The following RSU1 variants were observed in gnomAD, a reference collection of about 807,000 sequenced individuals.
RSU1 encodes the protein rsu-1.
In RSU1, 26 loss-of-function variants were observed where a neutral mutation model predicts 31.1. The ratio of observed to expected loss-of-function variants is 0.84; its 90% confidence interval spans 0.61 to 1.16. RSU1 has a LOEUF of 1.16. Ranked by LOEUF, RSU1 falls within the 50% of genes most tolerant of loss-of-function variation. RSU1 has a pLI of 0.00. For missense variants in RSU1, 320 were observed against 339.1 expected (o/e 0.94, Z 0.44); for synonymous variants, 164 against 136.3 (o/e 1.20, Z -1.41).
intron 4 of RSU1, among the ~76,000 whole-genome samples, chr10:16,757,929 G>T (rs1241158102): frequency 6.6e-6 from 1 of 152,196 alleles, no homozygotes; most frequent in African/African-American, 2.4e-5. Context: ...GAAATCCACG[G>T]TTAGACAGGC....
rs187930304 is a variant in RSU1, at chr10:16,757,105, G to A, written c.282-2116C>T. 2.4e-3 allele frequency among the ~76,000 whole-genome samples: 364 copies of A among 150,592 alleles called. 1 individual carries two copies. The highest frequency in any genetic ancestry group is 7.9e-3 in the African/African-American group (324 of 40,938). On this transcript the variant is annotated intron_variant, in intron 4 of 8. Coordinates refer to ENST00000345264, the MANE Select transcript of RSU1 (RefSeq NM_012425.4). Reference sequence around the variant, plus strand: ...CTGTGGGTGTGGTGCGTGTGGGTATGTGTGGGTGTGCGTGTGTGTGTGTGG... The same window carrying A: ...CTGTGGGTGTGGTGCGTGTGGGTATATGTGGGTGTGCGTGTGTGTGTGTGG...
intron 8 of RSU1, among the ~76,000 whole-genome samples, chr10:16,600,485 G>C (rs1344997885): frequency 6.6e-6 from 1 of 151,140 alleles, no homozygotes; most frequent in African/African-American, 2.4e-5. Context: ...ACTGTACTCA[G>C]AATAAATTTT....
intron 2 of RSU1, among the ~76,000 whole-genome samples, chr10:16,810,782 G>A (rs7076955): frequency 0.21 from 32,286 of 152,144 alleles, 4,080 homozygotes; most frequent in African/African-American, 0.36. Flanking sequence ...AACCACCCGG[G>A]AGGCTGGGGC....
At chr10:16,603,861 C>T (rs757348290) in intron 8 of RSU1, among the ~76,000 whole-genome samples, 39 of 152,264 alleles carry the variant, frequency 2.6e-4, no homozygotes, top group South Asian at 6.2e-4. Flanking sequence ...ATACACAAAC[C>T]TATTCATAAA....
chr10:16,597,543 G>A (rs1324458091), intron 8 of RSU1, among the ~76,000 whole-genome samples: 1 of 152,316 alleles, frequency 6.6e-6, no homozygotes, highest in Middle Eastern at 3.4e-3. Flanking sequence ...GTAAGCTAGA[G>A]ATGTCGTTTG....
chr10:16,735,537 T>C (rs1268600207), intron 7 of RSU1, among the ~76,000 whole-genome samples: 1 of 152,230 alleles, frequency 6.6e-6, no homozygotes, highest in Admixed American at 6.5e-5. Context: ...TATTGGGCAA[T>C]GTATTAGTCC....
At position 16,746,304 on chromosome 10, in the gene RSU1, C is replaced by T. The variant is rs79047011; in HGVS notation, c.598+6235G>A. On this transcript the variant is annotated intron_variant, in intron 7 of 8. Coordinates refer to ENST00000345264, the MANE Select transcript of RSU1 (RefSeq NM_012425.4). ...AGGTGTATGCAGCGTTGCAGACATA[C>T]GTCCCATAGGCTGCTGGGATTGGTG... 9.0e-3 allele frequency among the ~76,000 whole-genome samples: 1,377 copies of T among 152,254 alleles called. 17 individuals carry two copies. The highest frequency in any genetic ancestry group is 0.031 in the African/African-American group (1,305 of 41,542).
chr10:16,679,495 G>A (rs1416711961), intron 8 of RSU1, among the ~76,000 whole-genome samples: 3 of 152,116 alleles, frequency 2.0e-5, no homozygotes, highest in Non-Finnish European at 4.4e-5. Context: ...GATAAAAGGA[G>A]CTTAGAGTTG....
At chr10:16,728,534 C>T (rs1441996280) in intron 7 of RSU1, among the ~76,000 whole-genome samples, 1 of 152,146 alleles carries the variant, frequency 6.6e-6, no homozygotes, top group Non-Finnish European at 1.5e-5. Context: ...ACAAACGCAA[C>T]GGAACTATGA....
At chr10:16,619,939 C>A (rs1461083188) in intron 8 of RSU1, among the ~76,000 whole-genome samples, 5 of 151,988 alleles carry the variant, frequency 3.3e-5, no homozygotes, top group African/African-American at 1.2e-4. Flanking sequence ...AAAAACAAAC[C>A]AGTAACAATC....
rs76027658 is a variant in RSU1 at position 16,726,154 on chromosome 10, T to C, written c.598+26385A>G. Among the ~76,000 whole-genome samples, 1,419 of 152,206 alleles carry C rather than the reference T, an allele frequency of 9.3e-3. 35 individuals carry two copies. The East Asian group carries it at 0.1, about 11-fold the overall frequency. On this transcript the variant is annotated intron_variant, in intron 7 of 8. Coordinates refer to ENST00000345264, the MANE Select transcript of RSU1 (RefSeq NM_012425.4). The stretch of plus-strand genomic sequence containing the variant: ...TAGTAAAAGTTCAGAAATTACTTCA[T>C]CTGATTTTCCTTTCTTAGATTCAAA...
At chr10:16,614,120 G>T (rs1833937340) in intron 8 of RSU1, among the ~76,000 whole-genome samples, 1 of 152,102 alleles carries the variant, frequency 6.6e-6, no homozygotes, top group African/African-American at 2.4e-5. Flanking sequence ...GTACAAAGTA[G>T]GTAAGCAAAG....
At chr10:16,600,162 G>A (rs1833693693) in intron 8 of RSU1, among the ~76,000 whole-genome samples, 1 of 152,154 alleles carries the variant, frequency 6.6e-6, no homozygotes, top group South Asian at 2.1e-4. Flanking sequence ...AAGATGAGAT[G>A]CCTGCGACGC....
intron 2 of RSU1, among the ~76,000 whole-genome samples, chr10:16,791,486 G>A (rs761740729): frequency 3.3e-5 from 5 of 151,846 alleles, no homozygotes; most frequent in East Asian, 1.9e-4. Context: ...AAAATTAGTC[G>A]GGCATGGTGG....
intron 8 of RSU1, among the ~76,000 whole-genome samples, chr10:16,600,569 G>A (rs961589972): frequency 3.8e-5 from 5 of 132,632 alleles, no homozygotes; most frequent in Admixed American, 7.2e-5. Context: ...TTTTTTTTTA[G>A]GGGGGGGTGG....
chr10:16,680,388 TA>T (rs1186128529), intron 8 of RSU1, among the ~76,000 whole-genome samples: 1 of 151,708 alleles, frequency 6.6e-6, no homozygotes, highest in East Asian at 1.9e-4. Context: ...AGAAGAAAAA[TA>T]AAAAACAAGG....
chr10:16,654,680 C>CAAAAAAA (rs147140192), intron 8 of RSU1, among the ~76,000 whole-genome samples: 6 of 111,916 alleles, frequency 5.4e-5, no homozygotes, highest in African/African-American at 9.5e-5. Context: ...AAAACAAAAA[C>CAAAAAAA]AAAAAAAAAA....
intron 7 of RSU1, among the ~76,000 whole-genome samples, chr10:16,719,552 CCTT>C (rs778616768): frequency 1.1e-4 from 16 of 152,170 alleles, no homozygotes; most frequent in Non-Finnish European, 2.1e-4. Flanking sequence ...AAAAGTTGCT[CCTT>C]CTTATTTTAG....
At chr10:16,611,337 A>G (rs1396326976) in intron 8 of RSU1, among the ~76,000 whole-genome samples, 1 of 152,246 alleles carries the variant, frequency 6.6e-6, no homozygotes, top group Non-Finnish European at 1.5e-5. Context: ...AGGCTTTTAT[A>G]AACAAGGCAA....
Sources: gnomAD v4.1 joint callset for allele counts (sites outside exome capture counted in the v4.1 genomes callset) on GRCh38, gnomAD v4.1.1 for gene constraint, MANE v1.5 for transcripts, NCBI Gene and HGNC (gene_info 2026-07-23, HGNC 2026-07-21) for gene names.